Variants in PXT1 observed in about 807,000 individuals in gnomAD.
PXT1 encodes the protein peroxisomal testis-specific protein 1.
PXT1 carries 11 observed loss-of-function variants against 11.0 expected under a neutral mutation model. The ratio of observed to expected loss-of-function variants is 1.00; its 90% CI spans 0.63 to 1.66. The LOEUF (loss-of-function observed/expected upper bound fraction) is 1.66, where lower values mean the gene tolerates loss of function less well. PXT1 is among the 40% of genes most tolerant of loss of function. The pLI, the probability that PXT1 is intolerant of heterozygous loss-of-function variation, is 0.00. For missense variants in PXT1, 141 were observed against 155.5 expected (o/e 0.91, Z 0.49); for synonymous variants, 43 against 51.4 (o/e 0.84, Z 0.70).
At chr6:36,394,742 TA>T (rs200617747) in intron 4 of PXT1, among the ~76,000 whole-genome samples, 17 of 146,886 alleles carry the variant, frequency 1.2e-4, no homozygotes, top group South Asian at 2.2e-4. Flanking sequence ...AAAACTGAAT[TA>T]AAAAAAAAAG....
Position 36,401,805 on chromosome 6 carries a change from T to C in PXT1, c.170-1221A>G, listed in dbSNP as rs1171284897. On this transcript the variant is annotated intron_variant, in intron 3 of 4. Coordinates refer to ENST00000454782, the MANE Select transcript of PXT1 (RefSeq NM_152990.4). ...AATAACCAAATGTGGTTAGTAGCTA[T>C]TGTATTGGACAAGCAGTAATAGATC... Among the ~76,000 whole-genome samples the C allele has an allele frequency of 3.3e-5, 5 of 151,072 alleles. No homozygotes were observed. The South Asian group carries it at 8.3e-4, about 25-fold the overall frequency.
At chr6:36,439,603 A>T (rs1370177678) in intron 1 of PXT1, among the ~76,000 whole-genome samples, 1 of 148,434 alleles carries the variant, frequency 6.7e-6, no homozygotes, top group Non-Finnish European at 1.5e-5. Flanking sequence ...ACAGAGGGAG[A>T]CTCCATCTCA....
At chr6:36,436,721 G>C (rs1774768898) in intron 2 of PXT1, among the ~76,000 whole-genome samples, 1 of 152,132 alleles carries the variant, frequency 6.6e-6, no homozygotes, top group Non-Finnish European at 1.5e-5. Flanking sequence ...AGAGAGGTCA[G>C]GACTGGAAAA....
At chr6:36,436,009 T>C (rs1311680353) in intron 2 of PXT1, among the ~76,000 whole-genome samples, 1 of 151,646 alleles carries the variant, frequency 6.6e-6, no homozygotes, top group South Asian at 2.1e-4. Context: ...AAAACAAGAC[T>C]GTGCCATAAA....
intron 3 of PXT1, among the ~76,000 whole-genome samples, chr6:36,425,136 T>A (rs1774584222): frequency 6.6e-6 from 1 of 152,196 alleles, no homozygotes; most frequent in Non-Finnish European, 1.5e-5. Flanking sequence ...AAACTTTAAT[T>A]TTCCAGCATT....
At chr6:36,437,089 C>A (rs546870056) in intron 2 of PXT1, among the ~76,000 whole-genome samples, 96 of 152,218 alleles carry the variant, frequency 6.3e-4, no homozygotes, top group Non-Finnish European at 9.7e-4. Context: ...AGTTCAAGAC[C>A]AGCCTGGCCA....
In PXT1 at chr6:36,391,724, G is replaced by T; in HGVS notation, c.*46C>A. On this transcript the variant is annotated 3_prime_UTR_variant, in exon 5 of 5. Coordinates refer to ENST00000454782, the MANE Select transcript of PXT1 (RefSeq NM_152990.4). ...CCCAGTGGGATTCATGTTTCTCAGA[G>T]GGTAAAAAGAAAACAGAACTTGACC... The T allele has an allele frequency of 8.0e-7, 1 of 1,242,274 alleles. No homozygotes were observed. The highest frequency in any genetic ancestry group is 1.2e-5 in the South Asian group (1 of 83,132). 77.0% of individuals were successfully genotyped at this position (1,242,274 alleles called of 1,614,324 possible).
chr6:36,436,510 T>C (rs142470243), intron 2 of PXT1, among the ~76,000 whole-genome samples: 120 of 152,322 alleles, frequency 7.9e-4, no homozygotes, highest in Middle Eastern at 6.8e-3. Flanking sequence ...AAGTGGGTCA[T>C]AGTGGCAGTT....
chr6:36,427,159 T>C (rs1192135397), intron 2 of PXT1, among the ~76,000 whole-genome samples: 1 of 151,902 alleles, frequency 6.6e-6, no homozygotes, highest in African/African-American at 2.4e-5. Context: ...CGTGCCACCA[T>C]GCCCAGCTAA....
chr6:36,434,719 T>A (rs1042804153), intron 2 of PXT1, among the ~76,000 whole-genome samples: 2 of 152,206 alleles, frequency 1.3e-5, no homozygotes, highest in Admixed American at 6.5e-5. Context: ...CAATAGATGC[T>A]TAAGTACTTG....
chr6:36,440,616 A>G (rs1336695501), intron 1 of PXT1, among the ~76,000 whole-genome samples: 1 of 152,170 alleles, frequency 6.6e-6, no homozygotes, highest in Admixed American at 6.6e-5. Context: ...TCAGATACAA[A>G]TAAATATCAG....
chr6:36,436,113 CA>C (rs11294829), intron 2 of PXT1, among the ~76,000 whole-genome samples: 29,480 of 59,732 alleles, frequency 0.49, 5,534 homozygotes, highest in South Asian at 0.64. Flanking sequence ...AAAAGTAAGC[CA>C]AAAAAAAAAA....
At chr6:36,416,662 C>T (rs1312480744) in intron 3 of PXT1, among the ~76,000 whole-genome samples, 2 of 152,138 alleles carry the variant, frequency 1.3e-5, no homozygotes, top group East Asian at 1.9e-4. Context: ...TATTAAACAA[C>T]GATGTTCATA....
chr6:36,392,660 C>CAAT (rs980263178), intron 4 of PXT1, among the ~76,000 whole-genome samples: 22 of 151,922 alleles, frequency 1.4e-4, no homozygotes, highest in Non-Finnish European at 2.6e-4. Flanking sequence ...GATCCTGTCT[C>CAAT]AATAATAATA....
Position 36,405,390 on chromosome 6 carries a change from T to A in PXT1, c.170-4806A>T, listed in dbSNP as rs190419206. Among the ~76,000 whole-genome samples, 515 of 148,218 alleles carry A rather than the reference T, an allele frequency of 3.5e-3. 1 individual carries two copies. The highest frequency in any genetic ancestry group is 0.012 in the African/African-American group (487 of 40,260). Reference sequence around the variant, plus strand: ...TGAAGAAAAACTGTTTTTTTTTTTTTATTTTGAGATGGAGTTTTGCTCTTG... The same window carrying A: ...TGAAGAAAAACTGTTTTTTTTTTTTAATTTTGAGATGGAGTTTTGCTCTTG... On this transcript the variant is annotated intron_variant, in intron 3 of 4. Coordinates refer to ENST00000454782, the MANE Select transcript of PXT1 (RefSeq NM_152990.4).
intron 4 of PXT1, among the ~76,000 whole-genome samples, chr6:36,394,127 G>A (rs1018362642): frequency 1.3e-5 from 2 of 152,162 alleles, no homozygotes; most frequent in African/African-American, 4.8e-5. Flanking sequence ...CTAGGAAAAC[G>A]GAATGAGTTT....
Position 36,392,031 on chromosome 6 carries a change from G to A in PXT1, c.301-157C>T, listed in dbSNP as rs187510367. The A allele has an allele frequency of 8.4e-6, 5 of 592,504 alleles. No individual in the cohort carries two copies. In the Admixed American group the frequency reaches 1.2e-4, roughly 14 times the overall value. The allele number at this position is 592,504 out of a possible 1,614,324, so 36.7% of individuals were successfully genotyped here. On this transcript the variant is annotated intron_variant, in intron 4 of 4. Coordinates refer to ENST00000454782, the MANE Select transcript of PXT1 (RefSeq NM_152990.4). ...TGCTTTATGAATTGTATGAGCTGAA[G>A]GACAGTACCTTCCATATGGTCATAT... is the stretch of plus-strand genomic sequence containing the variant.
intron 2 of PXT1, among the ~76,000 whole-genome samples, chr6:36,430,018 C>G (rs1415358278): frequency 6.6e-6 from 1 of 151,624 alleles, no homozygotes; most frequent in Non-Finnish European, 1.5e-5. Flanking sequence ...AGTAGCCTGG[C>G]CAACATGGCA....
chr6:36,401,750 C>T (rs1009362259), intron 3 of PXT1, among the ~76,000 whole-genome samples: 5 of 151,366 alleles, frequency 3.3e-5, no homozygotes, highest in Non-Finnish European at 7.4e-5. Context: ...AATTCAGTTC[C>T]TCAATTGCAC....
Sources: gnomAD v4.1 joint callset for allele counts (sites outside exome capture counted in the v4.1 genomes callset) on GRCh38, gnomAD v4.1.1 for gene constraint, MANE v1.5 for transcripts, NCBI Gene and HGNC (gene_info 2026-07-23, HGNC 2026-07-21) for gene names.